Variants in SYNE2 observed in about 807,000 individuals in gnomAD.
SYNE2 encodes the protein nesprin-2.
In SYNE2, 431 loss-of-function variants were observed where a neutral mutation model predicts 856.3. That is an observed-to-expected ratio of 0.50 (90% confidence interval 0.47 to 0.55). SYNE2 has a LOEUF of 0.55. Ranked by LOEUF, SYNE2 falls within the 20% of genes least tolerant of loss-of-function variation. The probability of loss-of-function intolerance (pLI) is 0.00; values close to 1 mark genes in which losing one functional copy is unlikely to be tolerated. For missense variants in SYNE2, 8,129 were observed against 8,023.2 expected (o/e 1.01, Z -0.50); for synonymous variants, 2,923 against 2,872.3 (o/e 1.02, Z -0.56).
At chr14:64,128,140 G>C (rs1220158926) in intron 73 of SYNE2, among the ~76,000 whole-genome samples, 1 of 152,146 alleles carries the variant, frequency 6.6e-6, no homozygotes, top group African/African-American at 2.4e-5. Context: ...TAAAGAGAAG[G>C]ATCTTTATCT....
chr14:64,223,367 T>C lies in SYNE2; in HGVS notation c.20369T>C (p.Leu6790Ser), dbSNP rs750453210. 14 of 1,613,950 alleles carry C rather than the reference T, an allele frequency of 8.7e-6. No homozygotes were observed. The highest frequency in any genetic ancestry group is 1.1e-5 in the Non-Finnish European group (13 of 1,179,910). ...REQVSQDLMA[L>S]QGTQNPASPL... ...CAAGTGTCCCAAGATTTAATGGCCT[T>C]GCAGGGAACCCAGGTGAGTCTACTT... is the stretch of plus-strand genomic sequence containing the variant. The change falls in exon 113 of 116, where the codon TTG becomes TCG. Residue 6790 changes from leucine to serine, a missense_variant. By Grantham distance (145) the Leu-to-Ser change is moderately radical. Around this residue, in one of 3 missense-constraint regions of SYNE2, gnomAD observed 5,410 missense variants for 5,284.8 expected, o/e 1.02. Coordinates refer to ENST00000555002, the MANE Select transcript of SYNE2 (RefSeq NM_182914.3).
intron 103 of SYNE2, among the ~76,000 whole-genome samples, chr14:64,211,425 A>G (rs1350082280): frequency 1.3e-5 from 2 of 152,216 alleles, no homozygotes; most frequent in Non-Finnish European, 2.9e-5. Flanking sequence ...AACTGCTCTG[A>G]GTCTTCTTTC....
intron 89 of SYNE2, among the ~76,000 whole-genome samples, chr14:64,164,755 C>T (rs951210854): frequency 3.3e-5 from 5 of 152,122 alleles, no homozygotes; most frequent in African/African-American, 1.2e-4. Context: ...TGGGAAGGCT[C>T]AAAGGCACGA....
intron 1 of SYNE2, among the ~76,000 whole-genome samples, chr14:63,859,314 C>T (rs1339311030): frequency 2.6e-5 from 4 of 152,078 alleles, no homozygotes; most frequent in East Asian, 1.9e-4. Context: ...TTCTATTTTC[C>T]CTTTGATTGA....
In SYNE2 at chr14:63,862,313, G is replaced by A. The variant is rs540229965; in HGVS notation, c.-52+9170G>A. 3.3e-5 allele frequency among the ~76,000 whole-genome samples: 5 copies of A among 152,270 alleles called. No individual in the cohort carries two copies. In the East Asian group the frequency reaches 5.8e-4, roughly 18 times the overall value. ...TTTTTTGTTGTTGAGGCGAAGTCTCGCTCTGTCACCCAGGTGGGAGTGCAG... is the reference window on the plus strand; with the variant it reads ...TTTTTTGTTGTTGAGGCGAAGTCTCACTCTGTCACCCAGGTGGGAGTGCAG... On this transcript the variant is annotated intron_variant, in intron 1 of 115. Transcript: ENST00000555002.
chr14:64,145,415 G>A (rs1036835418), intron 83 of SYNE2, among the ~76,000 whole-genome samples: 1 of 151,634 alleles, frequency 6.6e-6, no homozygotes, highest in Admixed American at 6.6e-5. Context: ...GGCTGAGGCA[G>A]GAGGATTGCT....
chr14:63,915,057 G>A (rs952916478), intron 2 of SYNE2, among the ~76,000 whole-genome samples: 3 of 152,250 alleles, frequency 2.0e-5, no homozygotes, highest in African/African-American at 7.2e-5. Context: ...GGGATTACTG[G>A]CATGAGCCAC....
chr14:63,981,076 C>T lies in SYNE2; in HGVS notation c.1739C>T (p.Thr580Ile), dbSNP rs772873899. Residue 580 changes from threonine to isoleucine, a missense_variant, in exon 16 of 116, where the codon ACT becomes ATT. Coordinates refer to ENST00000555002, the MANE Select transcript of SYNE2 (RefSeq NM_182914.3). ...YRKNIYNVKS[T>I]LQKVLACWAT... ...AAAAATATATATAATGTGAAGTCCACTCTACAAAAAGTGCTGGCATGTTGG... is the reference window on the plus strand; with the variant it reads ...AAAAATATATATAATGTGAAGTCCATTCTACAAAAAGTGCTGGCATGTTGG... The T allele has an allele frequency of 1.6e-5, 25 of 1,610,688 alleles. No individual in the cohort carries two copies. In the African/African-American group the frequency reaches 3.3e-4, roughly 22 times the overall value.
intron 65 of SYNE2, among the ~76,000 whole-genome samples, chr14:64,111,787 A>G (rs61984146): frequency 0.067 from 10,186 of 152,102 alleles, 384 homozygotes; most frequent in African/African-American, 0.086. Flanking sequence ...GACAGAGGGA[A>G]ACTCTTCCCA....
chr14:64,188,474 C>T (rs1297219082), intron 97 of SYNE2, 76 bp from the exon 98 acceptor site: 1 of 1,550,490 alleles, frequency 6.4e-7, no homozygotes, highest in Non-Finnish European at 8.9e-7. Flanking sequence ...GAATGAAACT[C>T]AGTTTTTTTG....
At chr14:63,894,016 G>A (rs1386397249) in intron 1 of SYNE2, among the ~76,000 whole-genome samples, 1 of 152,050 alleles carries the variant, frequency 6.6e-6, no homozygotes, top group Non-Finnish European at 1.5e-5. Flanking sequence ...TTACTTCTTT[G>A]GGGAAAAAGG....
intron 108 of SYNE2, among the ~76,000 whole-genome samples, chr14:64,217,263 G>T (rs148927455): frequency 6.8e-6 from 1 of 147,708 alleles, no homozygotes; most frequent in Admixed American, 6.6e-5. Context: ...AGTAATGGTC[G>T]TGATTATTAT....
Position 64,225,588 on chromosome 14 carries a change from GC to G in SYNE2, c.*66del. ...GATTGCCAAGGGTGCCCAGCACGTGGCCCCAGACCAATCTGAGTGACTTAGT... is the reference window on the plus strand; with the variant it reads ...GATTGCCAAGGGTGCCCAGCACGTGGCCCAGACCAATCTGAGTGACTTAGT... On this transcript the variant is annotated 3_prime_UTR_variant, in exon 116 of 116. Coordinates refer to ENST00000555002, the MANE Select transcript of SYNE2 (RefSeq NM_182914.3). 1 of 1,551,880 alleles carries G rather than the reference GC, an allele frequency of 6.4e-7. No individual in the cohort carries two copies. The highest frequency in any genetic ancestry group is 8.8e-7 in the Non-Finnish European group (1 of 1,131,708).
chr14:64,177,537 C>T lies in SYNE2; in HGVS notation c.17556+54C>T, dbSNP rs530189803. The T allele has an allele frequency of 3.5e-5, 57 of 1,609,774 alleles. 2 individuals are homozygous for T. The South Asian group carries it at 5.9e-4, about 17-fold the overall frequency. ...TAATCACTTAGCTGTTTTCTGAGTA[C>T]TTTGAAGTGCTTCTTTGCCTCTTTC... On this transcript the variant is annotated intron_variant, in intron 96 of 115. Coordinates refer to ENST00000555002, the MANE Select transcript of SYNE2 (RefSeq NM_182914.3).
intron 63 of SYNE2, 55 bp downstream of exon 63, chr14:64,098,876 G>A: frequency 1.3e-6 from 2 of 1,556,448 alleles, no homozygotes; most frequent in East Asian, 4.5e-5. Flanking sequence ...TCTAAAAGAA[G>A]TCAATGAAAA....
intron 30 of SYNE2, 21 bp from the exon 31 acceptor site, chr14:64,007,020 CTT>C: frequency 6.3e-7 from 1 of 1,598,736 alleles, no homozygotes. Context: ...GGCTATCAAA[CTT>C]TTTTCTCATT....
Position 64,049,705 on chromosome 14 carries a change from T to C in SYNE2, c.7472T>C (p.Leu2491Pro). The change falls in exon 47 of 116, where the codon CTC (leucine) becomes CCC (proline). Residue 2491 changes from leucine to proline, a missense_variant. Coordinates refer to ENST00000555002, the MANE Select transcript of SYNE2 (RefSeq NM_182914.3). ...LNKTETGALVLHNIGYSAQHL... is the reference protein window; with the variant it reads ...LNKTETGALVPHNIGYSAQHL... ...AAAACAGAAACTGGGGCCTTGGTTC[T>C]CCACAATATAGGATATTCGGCACAG... 6.2e-7 allele frequency: 1 copy of C among 1,614,166 alleles called. No homozygotes were observed.
At chr14:63,905,405 A>G (rs983807772) in intron 1 of SYNE2, among the ~76,000 whole-genome samples, 1 of 152,154 alleles carries the variant, frequency 6.6e-6, no homozygotes, top group Non-Finnish European at 1.5e-5. Context: ...TAGTATGGTC[A>G]TTTCAATGAT....
intron 66 of SYNE2, among the ~76,000 whole-genome samples, chr14:64,114,829 C>T (rs956074222): frequency 1.8e-4 from 27 of 152,134 alleles, no homozygotes; most frequent in Non-Finnish European, 3.4e-4. Context: ...CTATATTGCC[C>T]AGGCTGGTCT....
Sources: allele counts gnomAD v4.1 joint callset (sites outside exome capture counted in the v4.1 genomes callset), GRCh38; gene constraint gnomAD v4.1.1; regional missense constraint gnomAD v4.1.1; transcripts MANE v1.5; gene names NCBI Gene and HGNC (gene_info 2026-07-23, HGNC 2026-07-21).